RALA: variants seen among roughly 807,000 people sequenced by gnomAD.
The protein encoded by RALA is ras-related protein Ral-A.
A neutral mutation model predicts 24.0 loss-of-function variants in RALA; 5 were observed. The ratio of observed to expected loss-of-function variants is 0.21; its 90% CI spans 0.11 to 0.44. RALA has a LOEUF of 0.44. RALA is among the 20% of genes least tolerant of loss of function. RALA has a pLI of 0.99. For missense variants in RALA, 95 were observed against 241.2 expected (o/e 0.39, Z 4.01); for synonymous variants, 77 against 83.8 (o/e 0.92, Z 0.44).
intron 1 of RALA, among the ~76,000 whole-genome samples, chr7:39,662,614 G>C (rs1792212349): frequency 6.6e-6 from 1 of 152,052 alleles, no homozygotes; most frequent in Non-Finnish European, 1.5e-5. Flanking sequence ...TTCCCAACAA[G>C]TTCCTCATCT....
chr7:39,660,399 C>CG (rs1233712919), intron 1 of RALA, among the ~76,000 whole-genome samples: 10 of 151,876 alleles, frequency 6.6e-5, no homozygotes, highest in Middle Eastern at 3.4e-3. Context: ...TTTAGAAATA[C>CG]ATAACACTTA....
chr7:39,697,691 A>G (rs1792946709), intron 4 of RALA, among the ~76,000 whole-genome samples: 2 of 152,222 alleles, frequency 1.3e-5, no homozygotes, highest in Admixed American at 1.3e-4. Context: ...ATGGGGCCTA[A>G]GAATTTATGA....
chr7:39,667,612 A>T (rs1181890390), intron 1 of RALA, among the ~76,000 whole-genome samples: 1 of 152,250 alleles, frequency 6.6e-6, no homozygotes, highest in African/African-American at 2.4e-5. Context: ...GGCAGAAGAG[A>T]TGATAGGACT....
At chr7:39,661,913 CA>C (rs70996826) in intron 1 of RALA, among the ~76,000 whole-genome samples, 69,062 of 151,944 alleles carry the variant, frequency 0.45, 16,511 homozygotes, top group Non-Finnish European at 0.52. Context: ...CCTGGACATC[CA>C]GGCGTTTCTA....
intron 1 of RALA, among the ~76,000 whole-genome samples, chr7:39,629,898 A>C (rs1246466158): frequency 6.6e-6 from 1 of 150,734 alleles, no homozygotes; most frequent in Non-Finnish European, 1.5e-5. Flanking sequence ...CCTGACCCTA[A>C]TTTTGTATTT....
In RALA at chr7:39,690,366, T is replaced by C; in HGVS notation, c.115-16T>C. 1 of 1,587,964 alleles carries C rather than the reference T, an allele frequency of 6.3e-7. No homozygotes were observed. The highest frequency in any genetic ancestry group is 8.6e-7 in the Non-Finnish European group (1 of 1,167,000). ...ACGTAATAATTAAAAAATTGGTGTGTTTTTATCTTTTCTAGTTTGTGGAGG... is the reference window on the plus strand; with the variant it reads ...ACGTAATAATTAAAAAATTGGTGTGCTTTTATCTTTTCTAGTTTGTGGAGG... On this transcript the variant is annotated splice_polypyrimidine_tract_variant and intron_variant, in intron 2 of 4. Transcript: ENST00000005257.
chr7:39,689,096 T>C (rs754531637), intron 2 of RALA, among the ~76,000 whole-genome samples: 8 of 152,066 alleles, frequency 5.3e-5, no homozygotes, highest in Non-Finnish European at 8.8e-5. Flanking sequence ...TCCAGTCACC[T>C]CCCACCTGAT....
At chr7:39,628,708 A>G (rs1791540580) in intron 1 of RALA, among the ~76,000 whole-genome samples, 1 of 152,102 alleles carries the variant, frequency 6.6e-6, no homozygotes, top group South Asian at 2.1e-4. Context: ...GGCACGCGGC[A>G]CCATGCCTGG....
chr7:39,699,607 G>A, intron 4 of RALA, among the ~76,000 whole-genome samples: 1 of 152,138 alleles, frequency 6.6e-6, no homozygotes, highest in Non-Finnish European at 1.5e-5. Context: ...AAGAAATGAG[G>A]ATAGAACTAA....
chr7:39,660,498 CTCTT>C (rs1472553341), intron 1 of RALA, among the ~76,000 whole-genome samples: 1 of 152,072 alleles, frequency 6.6e-6, no homozygotes, highest in Admixed American at 6.6e-5. Flanking sequence ...TTTTCTGTCT[CTCTT>C]TTTTTAATGA....
At chr7:39,660,672 A>G (rs754349543) in intron 1 of RALA, among the ~76,000 whole-genome samples, 1 of 152,190 alleles carries the variant, frequency 6.6e-6, no homozygotes, top group African/African-American at 2.4e-5. Context: ...TTGAACCACA[A>G]TAGTTTACTT....
intron 1 of RALA, among the ~76,000 whole-genome samples, chr7:39,671,506 GCTTT>G (rs1562617898): frequency 6.6e-6 from 1 of 151,962 alleles, no homozygotes; most frequent in Admixed American, 6.6e-5. Flanking sequence ...TATTTGTTAC[GCTTT>G]ATTGAATAAT....
intron 1 of RALA, among the ~76,000 whole-genome samples, chr7:39,681,349 A>G (rs1232687671): frequency 3.2e-5 from 3 of 94,076 alleles, no homozygotes; most frequent in African/African-American, 1.2e-4. Flanking sequence ...ACAGAGTCTT[A>G]CTCTCTAGCC....
Position 39,647,127 on chromosome 7 carries a change from C to T in RALA, c.-38+23302C>T, listed in dbSNP as rs141270007. On this transcript the variant is annotated intron_variant, in intron 1 of 4. Coordinates refer to ENST00000005257, the MANE Select transcript of RALA (RefSeq NM_005402.4). ...GCACAGTCATGGCTCTTTGCAGCCT[C>T]GACCTCCCGGGCTCGAGCAATCCTC... Among the ~76,000 whole-genome samples the T allele has an allele frequency of 2.0e-3, 310 of 152,236 alleles. 1 individual carries two copies. Among genetic ancestry groups the T allele is most frequent in the African/African-American group, 7.0e-3 (289 of 41,522 alleles).
At chr7:39,638,480 A>G (rs150974767) in intron 1 of RALA, among the ~76,000 whole-genome samples, 1 of 152,264 alleles carries the variant, frequency 6.6e-6, no homozygotes, top group African/African-American at 2.4e-5. Flanking sequence ...TATTCTATGG[A>G]TATGGATATA....
intron 2 of RALA, 108 bp downstream of exon 2, chr7:39,686,889 A>C: frequency 1.2e-6 from 1 of 801,726 alleles, no homozygotes; most frequent in Non-Finnish European, 1.9e-6. Context: ...TGAAATTACT[A>C]ATAATTTTTT....
At chr7:39,632,081 A>G (rs192903487) in intron 1 of RALA, among the ~76,000 whole-genome samples, 311 of 152,334 alleles carry the variant, frequency 2.0e-3, no homozygotes, top group Middle Eastern at 0.014. Flanking sequence ...GAACTTGCTC[A>G]TTACTGTGAG....
At chr7:39,640,164 G>C (rs910216347) in intron 1 of RALA, among the ~76,000 whole-genome samples, 9 of 152,082 alleles carry the variant, frequency 5.9e-5, no homozygotes, top group African/African-American at 2.2e-4. Flanking sequence ...TACCACCTCA[G>C]CCTCCCCAAC....
intron 4 of RALA, among the ~76,000 whole-genome samples, chr7:39,697,081 C>G (rs926990730): frequency 1.3e-5 from 2 of 152,126 alleles, no homozygotes; most frequent in Non-Finnish European, 2.9e-5. Flanking sequence ...GCTAAATGTA[C>G]TTTTTTTCTT....
Sources: allele counts gnomAD v4.1 joint callset (sites outside exome capture counted in the v4.1 genomes callset), GRCh38; gene constraint gnomAD v4.1.1; transcripts MANE v1.5; gene names NCBI Gene and HGNC (gene_info 2026-07-23, HGNC 2026-07-21).